The following SKAP1 variants were observed in gnomAD, a reference collection of about 807,000 sequenced individuals.
SKAP1 encodes the protein src kinase associated phosphoprotein 1, also known as src kinase-associated phosphoprotein 1.
A neutral mutation model predicts 58.5 loss-of-function variants in SKAP1; 44 were observed. The observed-to-expected ratio is 0.75, with a 90% confidence interval of 0.59 to 0.97. The LOEUF is 0.97. Among genes scored for constraint, SKAP1 ranks in the 50% least tolerant of loss-of-function variants. The pLI, the probability that SKAP1 is intolerant of heterozygous loss-of-function variation, is 0.00. For synonymous variants in SKAP1, 127 were observed against 149.7 expected (o/e 0.85, Z 1.11); for missense variants, 390 against 435.2 (o/e 0.90, Z 0.92).
upstream of SKAP1, among the ~76,000 whole-genome samples, chr17:48,435,109 G>A (rs1237886543): frequency 6.6e-6 from 1 of 152,148 alleles, no homozygotes; most frequent in East Asian, 1.9e-4. Flanking sequence ...CTGCACTCCA[G>A]CCTCGGCAAC....
chr17:48,233,602 C>T (rs2065147699), intron 4 of SKAP1, among the ~76,000 whole-genome samples: 1 of 151,988 alleles, frequency 6.6e-6, no homozygotes, highest in Non-Finnish European at 1.5e-5. Flanking sequence ...CACCTGTAAT[C>T]CCAGCACTTT....
chr17:48,384,198 G>A (rs1462543745), intron 2 of SKAP1, among the ~76,000 whole-genome samples: 2 of 152,100 alleles, frequency 1.3e-5, no homozygotes, highest in African/African-American at 4.8e-5. Context: ...AGAAAGAGGA[G>A]GACATTTAGA....
In SKAP1 at chr17:48,184,846, G is replaced by A. The variant is rs753377847; in HGVS notation, c.444C>T (p.Ser148=). 11 of 1,613,100 alleles carry A rather than the reference G, an allele frequency of 6.8e-6. No individual in the cohort carries two copies. Among genetic ancestry groups the A allele is most frequent in the Non-Finnish European group, 8.5e-6 (10 of 1,179,506 alleles). ...GLFYYYANEK[S]KQPKGTFLIK... ...TGAGGAAGGTCCCTTTGGGCTGCTT[G>A]CCTGCAAGACAGGAAAGCTCCCTGT... Residue 148 remains serine, a splice_region_variant and synonymous_variant, in exon 7 of 13, where the codon AGC becomes AGT. Transcript: ENST00000336915.
At chr17:48,232,068 C>A (rs1271869162) in intron 4 of SKAP1, among the ~76,000 whole-genome samples, 2 of 152,226 alleles carry the variant, frequency 1.3e-5, no homozygotes, top group Non-Finnish European at 2.9e-5. Context: ...TTTTCTTCAC[C>A]CTACAAACCA....
the SKAP1 span, among the ~76,000 whole-genome samples, chr17:48,436,962 T>C: frequency 1.3e-5 from 2 of 152,254 alleles, no homozygotes; most frequent in African/African-American, 4.8e-5. Context: ...CCATCTTAAC[T>C]GTCTGTGACT....
chr17:48,378,416 G>A (rs1374862665), intron 2 of SKAP1, among the ~76,000 whole-genome samples: 3 of 152,168 alleles, frequency 2.0e-5, no homozygotes, highest in Non-Finnish European at 2.9e-5. Context: ...CAGAGGTAAT[G>A]CACGTAAAGA....
the SKAP1 span, among the ~76,000 whole-genome samples, chr17:48,441,769 T>C: frequency 6.6e-6 from 1 of 152,308 alleles, no homozygotes; most frequent in East Asian, 1.9e-4. Context: ...GGTCTGACAT[T>C]ATGTCTTCTG....
intron 4 of SKAP1, among the ~76,000 whole-genome samples, chr17:48,222,357 G>A (rs1271674481): frequency 6.6e-6 from 1 of 152,066 alleles, no homozygotes; most frequent in Non-Finnish European, 1.5e-5. Context: ...CTGTCTCTAA[G>A]AAAAACTGTA....
chr17:48,269,298 C>G (rs1362036710), intron 4 of SKAP1, among the ~76,000 whole-genome samples: 1 of 151,964 alleles, frequency 6.6e-6, no homozygotes, highest in Non-Finnish European at 1.5e-5. Flanking sequence ...ATAAATTTGA[C>G]CACTTTGAGA....
intron 4 of SKAP1, among the ~76,000 whole-genome samples, chr17:48,273,717 C>T (rs1485965535): frequency 2.0e-5 from 3 of 152,186 alleles, no homozygotes; most frequent in African/African-American, 7.2e-5. Context: ...CCGTGCCCGG[C>T]TCTTTTATCA....
chr17:48,376,931 G>A (rs886883673), intron 2 of SKAP1, among the ~76,000 whole-genome samples: 9 of 152,150 alleles, frequency 5.9e-5, no homozygotes, highest in African/African-American at 2.2e-4. Context: ...AAGCCTGGAA[G>A]GGGAGGGTCG....
chr17:48,182,896 C>A (rs1017061169), intron 7 of SKAP1, among the ~76,000 whole-genome samples: 5 of 152,130 alleles, frequency 3.3e-5, no homozygotes, highest in African/African-American at 1.2e-4. Flanking sequence ...GAAATAATAC[C>A]ATTTTGGCTG....
At chr17:48,308,912 A>C (rs1377447358) in intron 4 of SKAP1, 1 of 152,190 alleles carries the variant, frequency 6.6e-6, no homozygotes, top group Non-Finnish European at 1.5e-5. Flanking sequence ...ATTTGAGCTC[A>C]GTTCCTCCTT....
At chr17:48,369,622 A>G (rs2067058502) in intron 2 of SKAP1, among the ~76,000 whole-genome samples, 1 of 152,260 alleles carries the variant, frequency 6.6e-6, no homozygotes, top group African/African-American at 2.4e-5. Flanking sequence ...TAGTGCTAAT[A>G]ACAATGCTAA....
chr17:48,246,840 C>A (rs2065302492), intron 4 of SKAP1, among the ~76,000 whole-genome samples: 1 of 152,224 alleles, frequency 6.6e-6, no homozygotes, highest in Non-Finnish European at 1.5e-5. Context: ...CATAACTTAT[C>A]TCCCACGTCA....
chr17:48,328,218 T>G (rs1194383224), intron 4 of SKAP1, among the ~76,000 whole-genome samples: 1 of 152,216 alleles, frequency 6.6e-6, no homozygotes, highest in Non-Finnish European at 1.5e-5. Context: ...AATGTGGTGA[T>G]GCATTTGAAC....
intron 4 of SKAP1, among the ~76,000 whole-genome samples, chr17:48,340,372 A>G (rs2066635222): frequency 1.3e-5 from 2 of 152,094 alleles, no homozygotes; most frequent in Non-Finnish European, 2.9e-5. Context: ...CAAAACATGG[A>G]AAAAAATGAA....
chr17:48,427,065 G>T (rs2067862081), intron 1 of SKAP1, among the ~76,000 whole-genome samples: 1 of 152,076 alleles, frequency 6.6e-6, no homozygotes, highest in African/African-American at 2.4e-5. Flanking sequence ...ACACAAAGAT[G>T]TATGAAATAA....
chr17:48,281,844 T>A (rs1359557781), intron 4 of SKAP1, among the ~76,000 whole-genome samples: 9 of 152,152 alleles, frequency 5.9e-5, no homozygotes, highest in African/African-American at 1.9e-4. Context: ...AGACAAAAAA[T>A]AAATATTAAT....
Sources: gnomAD v4.1 joint callset for allele counts (sites outside exome capture counted in the v4.1 genomes callset) on GRCh38, gnomAD v4.1.1 for gene constraint, MANE v1.5 for transcripts, NCBI Gene and HGNC (gene_info 2026-07-23, HGNC 2026-07-21) for gene names.